The following TENM3 variants were observed in gnomAD, a reference collection of about 807,000 sequenced individuals.
The protein encoded by TENM3 is teneurin-3.
Under a neutral mutation model 255.1 loss-of-function variants are expected in TENM3, and 63 were observed. That is an observed-to-expected ratio of 0.25 (90% CI 0.20 to 0.30). The LOEUF is 0.30. Ranked by LOEUF, TENM3 falls within the 10% of genes least tolerant of loss-of-function variation. The pLI is 1.00. For synonymous variants in TENM3, 1,306 were observed against 1,322.3 expected, an observed-to-expected ratio of 0.99 and a Z score of 0.27; for missense variants, 2,929 against 3,461.1, an observed-to-expected ratio of 0.85 and a Z score of 3.86.
At chr4:181,939,850 G>T in the TENM3 span, among the ~76,000 whole-genome samples, 1 of 152,154 alleles carries the variant, frequency 6.6e-6, no homozygotes, top group South Asian at 2.1e-4. Flanking sequence ...TTTTATTAAA[G>T]CTAGTGTTCT....
At chr4:182,137,749 C>A in the TENM3 span, among the ~76,000 whole-genome samples, 1 of 152,056 alleles carries the variant, frequency 6.6e-6, no homozygotes, top group Non-Finnish European at 1.5e-5. Flanking sequence ...TTCTGTGCAG[C>A]TTTTTTAATT....
chr4:182,269,963 T>C (rs1419009150), intron 1 of TENM3, among the ~76,000 whole-genome samples: 1 of 152,136 alleles, frequency 6.6e-6, no homozygotes, highest in African/African-American at 2.4e-5. Flanking sequence ...AGTTGGGGCA[T>C]CCAGAAGTGG....
chr4:181,794,666 CTGTG>C, the TENM3 span, among the ~76,000 whole-genome samples: 161 of 142,994 alleles, frequency 1.1e-3, no homozygotes, highest in Admixed American at 5.8e-3. Context: ...AATAATATCC[CTGTG>C]TGTGTGTGTG....
the TENM3 span, among the ~76,000 whole-genome samples, chr4:181,496,529 A>C: frequency 6.6e-6 from 1 of 152,198 alleles, no homozygotes; most frequent in Non-Finnish European, 1.5e-5. Flanking sequence ...CCTTATTTAC[A>C]ATGTTTCTTG....
At chr4:181,786,364 C>T in the TENM3 span, among the ~76,000 whole-genome samples, 3 of 152,228 alleles carry the variant, frequency 2.0e-5, no homozygotes, top group South Asian at 6.2e-4. Flanking sequence ...CACACATGTG[C>T]ACGGGAGTCA....
chr4:182,056,547 AT>A, the TENM3 span, among the ~76,000 whole-genome samples: 2 of 152,180 alleles, frequency 1.3e-5, no homozygotes, highest in African/African-American at 4.8e-5. Context: ...TTTACACAGG[AT>A]AAACCACCTT....
intron 12 of TENM3, among the ~76,000 whole-genome samples, chr4:182,701,881 A>G (rs1757906368): frequency 6.6e-6 from 1 of 152,222 alleles, no homozygotes; most frequent in Admixed American, 6.5e-5. Flanking sequence ...AAAGTTAGCA[A>G]TATATATCCT....
intron 3 of TENM3, among the ~76,000 whole-genome samples, chr4:182,446,676 T>G (rs1234674865): frequency 6.6e-6 from 1 of 151,786 alleles, no homozygotes; most frequent in Non-Finnish European, 1.5e-5. Flanking sequence ...CTCAGGTTGG[T>G]CTTGAACTCC....
chr4:181,530,419 C>T, the TENM3 span, among the ~76,000 whole-genome samples: 4 of 152,160 alleles, frequency 2.6e-5, no homozygotes, highest in South Asian at 6.2e-4. Context: ...TGAGTTCTCA[C>T]TGATATGTCT....
chr4:181,912,824 A>G, the TENM3 span, among the ~76,000 whole-genome samples: 1 of 151,820 alleles, frequency 6.6e-6, no homozygotes, highest in East Asian at 1.9e-4. Context: ...TAAGAGGTGC[A>G]GCTCAGGATT....
intron 1 of TENM3, among the ~76,000 whole-genome samples, chr4:182,274,446 G>C (rs930052585): frequency 2.6e-5 from 4 of 152,156 alleles, no homozygotes; most frequent in Admixed American, 1.3e-4. Context: ...AGATGTCCTT[G>C]GCAGCTTTGT....
intron 3 of TENM3, among the ~76,000 whole-genome samples, chr4:182,423,207 A>G (rs908415597): frequency 1.3e-5 from 2 of 152,206 alleles, no homozygotes; most frequent in African/African-American, 2.4e-5. Flanking sequence ...TTTCTTTACT[A>G]TCATTTTCTT....
At chr4:182,681,106 A>G (rs1411431395) in intron 10 of TENM3, among the ~76,000 whole-genome samples, 1 of 152,198 alleles carries the variant, frequency 6.6e-6, no homozygotes, top group Admixed American at 6.5e-5. Context: ...AGAGTAGTAC[A>G]CATAATATGC....
chr4:182,516,519 A>G (rs923355759), intron 3 of TENM3, among the ~76,000 whole-genome samples: 3 of 152,084 alleles, frequency 2.0e-5, no homozygotes, highest in Admixed American at 2.0e-4. Flanking sequence ...TTCTTTTTCA[A>G]AGTTATTACG....
the TENM3 span, among the ~76,000 whole-genome samples, chr4:181,481,741 C>T: frequency 6.6e-6 from 1 of 152,154 alleles, no homozygotes; most frequent in Admixed American, 6.6e-5. Flanking sequence ...CACTGAGCAC[C>T]TTTATTCTGT....
upstream of TENM3, chr4:182,142,800 C>A: frequency 6.0e-6 from 1 of 165,598 alleles, no homozygotes. Flanking sequence ...GGGAGCCGCA[C>A]TCACTCGGCA....
intron 1 of TENM3, among the ~76,000 whole-genome samples, chr4:182,252,587 A>T (rs1231411134): frequency 6.6e-6 from 1 of 151,992 alleles, no homozygotes; most frequent in Non-Finnish European, 1.5e-5. Context: ...AGTCCCTCCT[A>T]TTGTTATTTT....
At chr4:182,542,172 G>C (rs957053580) in intron 3 of TENM3, among the ~76,000 whole-genome samples, 1 of 152,158 alleles carries the variant, frequency 6.6e-6, no homozygotes, top group Non-Finnish European at 1.5e-5. Context: ...TTATAGCAAA[G>C]TCTCTCCCCC....
At chr4:181,895,217 T>C in the TENM3 span, among the ~76,000 whole-genome samples, 1 of 152,122 alleles carries the variant, frequency 6.6e-6, no homozygotes, top group East Asian at 1.9e-4. Context: ...ATAATGTGTT[T>C]GTATTGTGTA....
Sources: allele counts gnomAD v4.1 joint callset (sites outside exome capture counted in the v4.1 genomes callset), GRCh38; gene constraint gnomAD v4.1.1; transcripts MANE v1.5; gene names NCBI Gene and HGNC (gene_info 2026-07-23, HGNC 2026-07-21).